The following NDUFA10 variants were observed in gnomAD, a reference collection of about 807,000 sequenced individuals.
NDUFA10 encodes NADH:ubiquinone oxidoreductase subunit A10, also known as NADH dehydrogenase [ubiquinone] 1 alpha subcomplex subunit 10, mitochondrial.
A neutral mutation model predicts 47.8 loss-of-function variants in NDUFA10; 40 were observed. That is an observed-to-expected ratio of 0.84 (90% CI 0.65 to 1.09). The LOEUF is 1.09. NDUFA10 is among the 50% of genes least tolerant of loss of function. The pLI is 0.00. For missense variants in NDUFA10, 413 were observed against 451.1 expected (o/e 0.92, Z 0.76); for synonymous variants, 183 against 172.2 (o/e 1.06, Z -0.49).
At chr2:239,932,810 T>C (rs2106374255) in intron 4 of NDUFA10, among the ~76,000 whole-genome samples, 1 of 152,308 alleles carries the variant, frequency 6.6e-6, no homozygotes, top group Admixed American at 6.5e-5. Context: ...CTCAATCTCC[T>C]GACCTCGTGA....
At chr2:240,001,120 C>CTG (rs763514343) in intron 8 of NDUFA10, among the ~76,000 whole-genome samples, 17 of 152,156 alleles carry the variant, frequency 1.1e-4, no homozygotes, top group Non-Finnish European at 2.2e-4. Context: ...CTGGGGCATG[C>CTG]ACAGAAAAAA....
At chr2:239,907,092 A>G in intron 4 of NDUFA10, among the ~76,000 whole-genome samples, 1 of 152,230 alleles carries the variant, frequency 6.6e-6, no homozygotes, top group Non-Finnish European at 1.5e-5. Context: ...TAGAGCCCTC[A>G]GAAACAATAC....
Position 239,960,858 on chromosome 2 carries a change from G to C in NDUFA10, c.*260C>G. On this transcript the variant is annotated 3_prime_UTR_variant, in exon 10 of 10. Transcript: ENST00000252711. ...TGCCGAGAGCTGGCCTTTCACAGCA[G>C]ACCACTGTTTTCCAGTGAGAATGGT... The C allele has an allele frequency of 7.2e-7, 1 of 1,386,448 alleles. No homozygotes were observed. Among genetic ancestry groups the C allele is most frequent in the Non-Finnish European group, 9.4e-7 (1 of 1,063,244 alleles). The allele number at this position is 1,386,448 out of a possible 1,614,324, so 85.9% of individuals were successfully genotyped here.
chr2:239,943,220 G>A (rs940744062), intron 4 of NDUFA10: 7 of 154,472 alleles, frequency 4.5e-5, no homozygotes, highest in African/African-American at 1.7e-4. Flanking sequence ...GAGGCGGCCT[G>A]GGGCTCCGCT....
intron 8 of NDUFA10, among the ~76,000 whole-genome samples, chr2:239,998,504 G>A (rs1696572904): frequency 6.6e-6 from 1 of 150,628 alleles, no homozygotes; most frequent in African/African-American, 2.4e-5. Flanking sequence ...GTCTGTGGCA[G>A]GGCCTCCTTG....
chr2:239,916,427 G>T (rs568012933), intron 4 of NDUFA10, among the ~76,000 whole-genome samples: 1 of 151,414 alleles, frequency 6.6e-6, no homozygotes, highest in South Asian at 2.1e-4. Context: ...CACACACACA[G>T]ACACAGACAC....
intron 9 of NDUFA10, among the ~76,000 whole-genome samples, chr2:239,970,353 G>A (rs111948171): frequency 2.0e-5 from 3 of 152,150 alleles, no homozygotes; most frequent in Non-Finnish European, 4.4e-5. Flanking sequence ...AAAAGCAACA[G>A]CTAATAGAAT....
intron 9 of NDUFA10, among the ~76,000 whole-genome samples, chr2:239,973,127 T>C (rs1248457721): frequency 6.6e-6 from 1 of 152,216 alleles, no homozygotes; most frequent in African/African-American, 2.4e-5. Context: ...CGAGTTTCTA[T>C]GATTAATTTC....
intron 5 of NDUFA10, among the ~76,000 whole-genome samples, chr2:239,892,872 T>A (rs1158162142): frequency 2.6e-5 from 4 of 152,200 alleles, no homozygotes; most frequent in Non-Finnish European, 5.9e-5. Flanking sequence ...AAAGAGACTA[T>A]CTACAAATGT....
intron 9 of NDUFA10, among the ~76,000 whole-genome samples, chr2:239,967,544 C>T (rs566102337): frequency 2.8e-4 from 43 of 152,314 alleles, no homozygotes; most frequent in Middle Eastern, 3.4e-3. Context: ...AAGGTAACAA[C>T]AAGACAGTAA....
chr2:239,950,859 T>C lies in NDUFA10; in HGVS notation c.294+39215A>G, dbSNP rs539156290. Among the ~76,000 whole-genome samples, 5 of 152,310 alleles carry C rather than the reference T, an allele frequency of 3.3e-5. No homozygotes were observed. In the South Asian group the frequency reaches 8.3e-4, roughly 25 times the overall value. On this transcript the variant is annotated intron_variant, in intron 4 of 5. Transcript: ENST00000419408. ...GTGATTCAAGTAGGTGCCTGTCTAGTTGTGTGACACTGTCCAACAATTACG... is the reference window on the plus strand; with the variant it reads ...GTGATTCAAGTAGGTGCCTGTCTAGCTGTGTGACACTGTCCAACAATTACG...
At chr2:239,915,874 GAC>G (rs1693859913) in intron 4 of NDUFA10, among the ~76,000 whole-genome samples, 1 of 139,558 alleles carries the variant, frequency 7.2e-6, no homozygotes, top group Admixed American at 7.1e-5. Context: ...CAAATATACA[GAC>G]ACACACAGAG....
rs1024688576 is a variant in NDUFA10, at chr2:239,959,782, A to G, written c.*1336T>C. 2.7e-5 allele frequency: 21 copies of G among 785,704 alleles called. No individual in the cohort carries two copies. The highest frequency in any genetic ancestry group is 2.8e-5 in the Non-Finnish European group (18 of 647,922). The allele number at this position is 785,704 out of a possible 1,614,324, so 48.7% of individuals were successfully genotyped here. A position where few individuals can be genotyped will look rare whatever the true frequency, so the allele number is the denominator to read the frequency against. ...GAGGCAGGGAGGAAGGGAAGGGAGG[A>G]AAACAAGGACAGATGGAAGGAAGAA... On this transcript the variant is annotated 3_prime_UTR_variant, in exon 10 of 10. Transcript: ENST00000252711.
intron 9 of NDUFA10, among the ~76,000 whole-genome samples, chr2:239,982,661 G>C (rs989765465): frequency 6.6e-6 from 1 of 152,142 alleles, no homozygotes; most frequent in East Asian, 1.9e-4. Context: ...TATGCCTGTT[G>C]TCTCCAGCTG....
chr2:240,005,081 A>T, intron 8 of NDUFA10, 129 bp downstream of exon 8: 1 of 819,042 alleles, frequency 1.2e-6, no homozygotes, highest in Non-Finnish European at 2.1e-6. Context: ...GGAAGAAAAA[A>T]TACCTCTAAG....
At chr2:239,935,076 C>T (rs373400369) in intron 4 of NDUFA10, among the ~76,000 whole-genome samples, 12 of 152,156 alleles carry the variant, frequency 7.9e-5, no homozygotes, top group African/African-American at 2.4e-4. Context: ...CCTTCTCTCT[C>T]GCCTCTGGTC....
chr2:239,962,409 C>T (rs1022203538), intron 9 of NDUFA10, among the ~76,000 whole-genome samples: 8 of 152,192 alleles, frequency 5.3e-5, no homozygotes, highest in Non-Finnish European at 1.2e-4. Flanking sequence ...ACAGTGGCCA[C>T]GCAGTGACAG....
Position 239,905,006 on chromosome 2 carries a change from G to C in NDUFA10, c.295-9692C>G, listed in dbSNP as rs143747534. ...CTGTCATTGGGAAGCCCTAATCCAGGAGGGTCTCATCTCAAAACCTTTAAC... is the reference window on the plus strand; with the variant it reads ...CTGTCATTGGGAAGCCCTAATCCAGCAGGGTCTCATCTCAAAACCTTTAAC... On this transcript the variant is annotated intron_variant, in intron 4 of 5. Coordinates refer to the NDUFA10 transcript ENST00000419408. Among the ~76,000 whole-genome samples, 47 of 152,344 alleles carry C rather than the reference G, an allele frequency of 3.1e-4. 1 individual carries two copies. The East Asian group carries it at 8.7e-3, about 28-fold the overall frequency.
At chr2:239,947,311 C>T (rs970653715) in intron 4 of NDUFA10, among the ~76,000 whole-genome samples, 18 of 152,230 alleles carry the variant, frequency 1.2e-4, no homozygotes, top group Admixed American at 1.3e-4. Flanking sequence ...GCCTACATCC[C>T]ACACCAACTC....
Sources: allele counts gnomAD v4.1 joint callset (sites outside exome capture counted in the v4.1 genomes callset), GRCh38; gene constraint gnomAD v4.1.1; transcripts MANE v1.5; gene names NCBI Gene and HGNC (gene_info 2026-07-23, HGNC 2026-07-21).